Variants in IMMP2L observed in about 807,000 individuals in gnomAD.
IMMP2L encodes the protein mitochondrial inner membrane protease subunit 2.
Under a neutral mutation model 19.3 loss-of-function variants are expected in IMMP2L, and 18 were observed. The observed-to-expected ratio is 0.93, with a 90% CI of 0.64 to 1.38. The LOEUF (loss-of-function observed/expected upper bound fraction) is 1.38, where lower values mean the gene tolerates loss of function less well. Ranked by LOEUF, IMMP2L falls within the 40% of genes most tolerant of loss-of-function variation. The probability of loss-of-function intolerance (pLI) is 0.00; values close to 1 mark genes in which losing one functional copy is unlikely to be tolerated. For synonymous variants in IMMP2L, 76 were observed against 73.0 expected, an observed-to-expected ratio of 1.04 and a Z score of -0.21; for missense variants, 233 against 218.2, an observed-to-expected ratio of 1.07 and a Z score of -0.43.
At chr7:111,150,482 C>A (rs1437024982) in intron 3 of IMMP2L, among the ~76,000 whole-genome samples, 1 of 152,124 alleles carries the variant, frequency 6.6e-6, no homozygotes, top group East Asian at 1.9e-4. Context: ...TTGCACCAAA[C>A]CTCCAACTGA....
chr7:111,110,880 A>G (rs1248321662), intron 3 of IMMP2L, among the ~76,000 whole-genome samples: 1 of 152,156 alleles, frequency 6.6e-6, no homozygotes, highest in Non-Finnish European at 1.5e-5. Flanking sequence ...AAATCATGTG[A>G]CTGTGAAGGG....
At chr7:111,232,865 C>G (rs990608057) in intron 3 of IMMP2L, among the ~76,000 whole-genome samples, 5 of 152,122 alleles carry the variant, frequency 3.3e-5, no homozygotes, top group Non-Finnish European at 7.4e-5. Flanking sequence ...TGAACATTTA[C>G]CCATTCTCTG....
At chr7:111,114,432 T>G (rs192861335) in intron 3 of IMMP2L, among the ~76,000 whole-genome samples, 10 of 152,210 alleles carry the variant, frequency 6.6e-5, no homozygotes, top group Non-Finnish European at 1.5e-4. Flanking sequence ...TACATTGTAT[T>G]AAGTTTGCAC....
chr7:111,438,746 T>C (rs773024057), intron 3 of IMMP2L, among the ~76,000 whole-genome samples: 2 of 151,872 alleles, frequency 1.3e-5, no homozygotes, highest in Admixed American at 6.6e-5. Flanking sequence ...TCCCAGAAGA[T>C]AGATGTTGAC....
At chr7:111,081,936 A>G (rs528350484) in intron 3 of IMMP2L, among the ~76,000 whole-genome samples, 1 of 152,220 alleles carries the variant, frequency 6.6e-6, no homozygotes, top group Non-Finnish European at 1.5e-5. Flanking sequence ...CTGATATTTT[A>G]AGTAGGAGCT....
chr7:111,414,113 G>A (rs916216603), intron 3 of IMMP2L, among the ~76,000 whole-genome samples: 1 of 151,572 alleles, frequency 6.6e-6, no homozygotes, highest in Non-Finnish European at 1.5e-5. Context: ...CCCTCCTCAG[G>A]GGCTGGCTCA....
At chr7:111,232,377 T>G (rs1055237084) in intron 3 of IMMP2L, among the ~76,000 whole-genome samples, 3 of 151,420 alleles carry the variant, frequency 2.0e-5, no homozygotes, top group African/African-American at 7.3e-5. Flanking sequence ...TGGAGGGTTT[T>G]TTTTTTTTTT....
At chr7:111,124,659 T>G in intron 3 of IMMP2L, 5 of 1,613,956 alleles carry the variant, frequency 3.1e-6, no homozygotes, top group Non-Finnish European at 4.2e-6. Context: ...CCACAACACT[T>G]ATGGCCTGTC....
At chr7:111,430,353 C>A (rs1052829122) in intron 3 of IMMP2L, among the ~76,000 whole-genome samples, 4 of 151,206 alleles carry the variant, frequency 2.6e-5, no homozygotes, top group African/African-American at 9.8e-5. Flanking sequence ...TATTTTCCTT[C>A]CTGGTAAAAA....
Position 110,865,955 on chromosome 7 carries a change from T to C in IMMP2L, c.408+20638A>G, listed in dbSNP as rs142760410. Among the ~76,000 whole-genome samples, 13 of 152,070 alleles carry C rather than the reference T, an allele frequency of 8.5e-5. No homozygotes were observed. In the East Asian group the frequency reaches 2.3e-3, roughly 27 times the overall value. Reference sequence around the variant, plus strand: ...AATTCTCTAGGCATGTCAAAGTACATTCAGGTATTGGGAGCTATAGGAGTA... The same window carrying C: ...AATTCTCTAGGCATGTCAAAGTACACTCAGGTATTGGGAGCTATAGGAGTA... On this transcript the variant is annotated intron_variant, in intron 5 of 5. Transcript: ENST00000405709.
chr7:111,062,114 C>T (rs1331380414), intron 3 of IMMP2L, among the ~76,000 whole-genome samples: 1 of 152,098 alleles, frequency 6.6e-6, no homozygotes, highest in Non-Finnish European at 1.5e-5. Context: ...GTGTATTAGT[C>T]CATTTTCATG....
chr7:110,780,643 G>C (rs1005227526), intron 5 of IMMP2L, among the ~76,000 whole-genome samples: 18 of 151,258 alleles, frequency 1.2e-4, no homozygotes, highest in African/African-American at 4.4e-4. Flanking sequence ...CTCCCATTCT[G>C]GCTTATTCTC....
At chr7:111,416,736 A>G (rs1834988741) in intron 3 of IMMP2L, among the ~76,000 whole-genome samples, 1 of 151,790 alleles carries the variant, frequency 6.6e-6, no homozygotes, top group Non-Finnish European at 1.5e-5. Context: ...GTCTGCCAGC[A>G]TAATATTTGT....
At chr7:111,114,439 G>A (rs1799605202) in intron 3 of IMMP2L, among the ~76,000 whole-genome samples, 2 of 152,036 alleles carry the variant, frequency 1.3e-5, no homozygotes, top group South Asian at 2.1e-4. Context: ...TATTAAGTTT[G>A]CACAAAGAAA....
chr7:111,360,190 G>C (rs1338635439), intron 3 of IMMP2L, among the ~76,000 whole-genome samples: 3 of 152,096 alleles, frequency 2.0e-5, no homozygotes, highest in Non-Finnish European at 2.9e-5. Context: ...ATAATACATG[G>C]AGCTAAAATC....
In IMMP2L at chr7:110,877,119, T is replaced by C. The variant is rs1216485065; in HGVS notation, c.408+9474A>G. On this transcript the variant is annotated intron_variant, in intron 5 of 5. Coordinates refer to ENST00000405709, the MANE Select transcript of IMMP2L (RefSeq NM_032549.4). This position sits in a 1 kb window ranked among gnomAD's most constrained non-coding sequence, Gnocchi z 4.0. ...GTCAATATGAAAGCCAGAGTGTGGCTGTGTTCCAACATAACTTCTTTTATA... is the reference window on the plus strand; with the variant it reads ...GTCAATATGAAAGCCAGAGTGTGGCCGTGTTCCAACATAACTTCTTTTATA... Among the ~76,000 whole-genome samples, 2 of 152,162 alleles carry C rather than the reference T, an allele frequency of 1.3e-5. No homozygotes were observed. The highest frequency in any genetic ancestry group is 2.9e-5 in the Non-Finnish European group (2 of 68,030).
At chr7:111,203,286 G>C (rs1021679776) in intron 3 of IMMP2L, among the ~76,000 whole-genome samples, 3 of 151,584 alleles carry the variant, frequency 2.0e-5, no homozygotes, top group Non-Finnish European at 2.9e-5. Flanking sequence ...CTTGGCACTG[G>C]GATACAGCAA....
intron 3 of IMMP2L, among the ~76,000 whole-genome samples, chr7:111,201,154 G>A (rs1438150255): frequency 2.0e-5 from 3 of 151,988 alleles, no homozygotes; most frequent in Non-Finnish European, 4.4e-5. Flanking sequence ...TATGCTTGGA[G>A]GGTCTGAAGA....
intron 3 of IMMP2L, among the ~76,000 whole-genome samples, chr7:111,210,676 A>G (rs1811213159): frequency 6.6e-6 from 1 of 152,164 alleles, no homozygotes; most frequent in African/African-American, 2.4e-5. Context: ...TATATTCTTA[A>G]TCATAAGACT....
Sources: allele counts gnomAD v4.1 joint callset (sites outside exome capture counted in the v4.1 genomes callset), GRCh38; gene constraint gnomAD v4.1.1; non-coding constraint Gnocchi (gnomAD v3.1); transcripts MANE v1.5; gene names NCBI Gene and HGNC (gene_info 2026-07-23, HGNC 2026-07-21).